GRID2: variants seen among roughly 807,000 people sequenced by gnomAD.
GRID2 encodes the protein glutamate ionotropic receptor delta type subunit 2.
GRID2 carries 33 observed loss-of-function variants against 114.8 expected under a neutral mutation model. The ratio of observed to expected loss-of-function variants is 0.29; its 90% CI spans 0.22 to 0.38. GRID2 has a LOEUF of 0.38. GRID2 is among the 10% of genes least tolerant of loss of function. GRID2 has a pLI of 1.00. For synonymous variants in GRID2, 505 were observed against 449.9 expected, an observed-to-expected ratio of 1.12 and a Z score of -1.55; for missense variants, 1,184 against 1,257.7, an observed-to-expected ratio of 0.94 and a Z score of 0.89.
At chr4:93,285,176 A>T (rs533901905) in intron 8 of GRID2, among the ~76,000 whole-genome samples, 1 of 151,882 alleles carries the variant, frequency 6.6e-6, no homozygotes, top group African/African-American at 2.4e-5. Flanking sequence ...AATAAAAAAT[A>T]TTTCTCAAGT....
intron 3 of GRID2, among the ~76,000 whole-genome samples, chr4:93,104,460 C>T (rs1201851238): frequency 6.6e-6 from 1 of 151,796 alleles, no homozygotes; most frequent in East Asian, 1.9e-4. Flanking sequence ...CTCCCCACTC[C>T]CCCCACCCCA....
chr4:92,348,971 A>G (rs758273970), intron 1 of GRID2, among the ~76,000 whole-genome samples: 12 of 151,962 alleles, frequency 7.9e-5, no homozygotes, highest in Non-Finnish European at 1.6e-4. Context: ...TGCAACATGT[A>G]TTAATTGAAC....
intron 4 of GRID2, chr4:93,166,082 T>C (rs1009549414): frequency 5.9e-5 from 9 of 152,060 alleles, no homozygotes; most frequent in Non-Finnish European, 1.0e-4. Flanking sequence ...GAAAGTTGAG[T>C]GGGATTCACA....
At chr4:92,719,110 C>T (rs982139923) in intron 2 of GRID2, among the ~76,000 whole-genome samples, 2 of 151,914 alleles carry the variant, frequency 1.3e-5, no homozygotes, top group Non-Finnish European at 2.9e-5. Flanking sequence ...TCTCAGCCAC[C>T]CAAGTATCTG....
At chr4:93,618,220 T>C (rs566862857) in intron 13 of GRID2, among the ~76,000 whole-genome samples, 2 of 152,314 alleles carry the variant, frequency 1.3e-5, no homozygotes, top group African/African-American at 4.8e-5. Flanking sequence ...ATTTTTTTGG[T>C]CTCACTTGAA....
intron 2 of GRID2, among the ~76,000 whole-genome samples, chr4:92,700,144 G>T (rs1734599114): frequency 1.3e-5 from 2 of 152,156 alleles, no homozygotes; most frequent in Admixed American, 6.5e-5. Context: ...ACTCAGCTGG[G>T]TTAGGAGTTT....
chr4:92,518,342 A>G (rs1195958497), intron 1 of GRID2, among the ~76,000 whole-genome samples: 1 of 151,926 alleles, frequency 6.6e-6, no homozygotes, highest in Admixed American at 6.6e-5. Flanking sequence ...ACCAAGATCC[A>G]ATTTGCTTTT....
chr4:93,350,895 T>A (rs927280254), intron 8 of GRID2, among the ~76,000 whole-genome samples: 2 of 152,066 alleles, frequency 1.3e-5, no homozygotes, highest in African/African-American at 4.8e-5. Flanking sequence ...GGAAAGAGTT[T>A]TAATGGACTC....
intron 13 of GRID2, among the ~76,000 whole-genome samples, chr4:93,580,753 A>AT (rs34780370): frequency 0.15 from 22,167 of 146,130 alleles, 2,182 homozygotes; most frequent in Middle Eastern, 0.28. Flanking sequence ...GGCAAAGAGC[A>AT]TTTTTTTTTT....
chr4:93,775,881 T>C (rs1410773969), downstream of GRID2, among the ~76,000 whole-genome samples: 3 of 152,222 alleles, frequency 2.0e-5, no homozygotes, highest in Non-Finnish European at 4.4e-5. Flanking sequence ...TGGGATTGGC[T>C]ATCAACTGAA....
At chr4:93,081,975 T>C (rs1420313450) in intron 2 of GRID2, among the ~76,000 whole-genome samples, 1 of 152,214 alleles carries the variant, frequency 6.6e-6, no homozygotes, top group East Asian at 1.9e-4. Flanking sequence ...TAGCCTATTT[T>C]TATACTAACC....
intron 8 of GRID2, among the ~76,000 whole-genome samples, chr4:93,307,215 T>TAA (rs1164505879): frequency 3.6e-4 from 34 of 95,112 alleles, no homozygotes; most frequent in Admixed American, 1.3e-3. Flanking sequence ...AAGAAAAAAA[T>TAA]AAAAAAAAAA....
rs148902920 is a variant in GRID2 at position 93,365,733 on chromosome 4, A to G, written c.1246-29874A>G. On this transcript the variant is annotated intron_variant, in intron 8 of 15. Transcript: ENST00000282020. Reference sequence around the variant, plus strand: ...GATAGCTTGCTGCTTACTTGGCCATAAAGCTCTTACAGCCTAAAGTTAGGC... The same window carrying G: ...GATAGCTTGCTGCTTACTTGGCCATGAAGCTCTTACAGCCTAAAGTTAGGC... 2.0e-4 allele frequency among the ~76,000 whole-genome samples: 31 copies of G among 152,288 alleles called. No homozygotes were observed. The East Asian group carries it at 6.0e-3, about 29-fold the overall frequency.
intron 8 of GRID2, among the ~76,000 whole-genome samples, chr4:93,309,586 T>G (rs1755794360): frequency 6.6e-6 from 1 of 151,830 alleles, no homozygotes; most frequent in Non-Finnish European, 1.5e-5. Context: ...GAAGAATTAA[T>G]GAATGAAACT....
chr4:92,911,259 C>T (rs1419607076), intron 2 of GRID2, among the ~76,000 whole-genome samples: 1 of 151,872 alleles, frequency 6.6e-6, no homozygotes, highest in Non-Finnish European at 1.5e-5. Flanking sequence ...ATTTAGTATT[C>T]ATTTATAATA....
At chr4:92,715,207 G>A (rs1231622412) in intron 2 of GRID2, among the ~76,000 whole-genome samples, 1 of 152,146 alleles carries the variant, frequency 6.6e-6, no homozygotes, top group African/African-American at 2.4e-5. Context: ...CAGTCTGTCT[G>A]CTTAAAACAT....
At chr4:92,928,855 T>TATTCA (rs1331070280) in intron 2 of GRID2, among the ~76,000 whole-genome samples, 1 of 151,434 alleles carries the variant, frequency 6.6e-6, no homozygotes, top group Non-Finnish European at 1.5e-5. Context: ...CAGAGCAAAA[T>TATTCA]ATTCAAAGTA....
At chr4:93,611,366 G>T (rs1203840726) in intron 13 of GRID2, among the ~76,000 whole-genome samples, 2 of 92,470 alleles carry the variant, frequency 2.2e-5, no homozygotes, top group East Asian at 2.7e-4. Flanking sequence ...GCTTTTGAAT[G>T]TGTTTGCTCT....
intron 2 of GRID2, among the ~76,000 whole-genome samples, chr4:93,073,702 A>T (rs908403633): frequency 6.6e-6 from 1 of 152,148 alleles, no homozygotes; most frequent in Non-Finnish European, 1.5e-5. Context: ...GCAAAGACCT[A>T]TTGCTACTGG....
Sources: gnomAD v4.1 joint callset for allele counts (sites outside exome capture counted in the v4.1 genomes callset) on GRCh38, gnomAD v4.1.1 for gene constraint, MANE v1.5 for transcripts, NCBI Gene and HGNC (gene_info 2026-07-23, HGNC 2026-07-21) for gene names.